Variants in SLIT3 observed in about 807,000 individuals in gnomAD.
The protein encoded by SLIT3 is slit homolog 3 protein.
A neutral mutation model predicts 184.0 loss-of-function variants in SLIT3; 68 were observed. That is an observed-to-expected ratio of 0.37 (90% confidence interval 0.30 to 0.45). SLIT3 has a LOEUF of 0.45. Among genes scored for constraint, SLIT3 ranks in the 20% least tolerant of loss-of-function variants. The probability of loss-of-function intolerance (pLI) is 1.00; values close to 1 mark genes in which losing one functional copy is unlikely to be tolerated. For missense variants in SLIT3, 1,707 were observed against 2,026.0 expected (o/e 0.84, Z 3.02); for synonymous variants, 831 against 828.6 (o/e 1.00, Z -0.05).
chr5:169,041,964 T>C (rs1408649212), intron 4 of SLIT3, among the ~76,000 whole-genome samples: 3 of 152,162 alleles, frequency 2.0e-5, no homozygotes, highest in Admixed American at 6.5e-5. Context: ...ATTGATCTCT[T>C]CCCTCATTTA....
At chr5:168,761,177 G>A (rs929698677) in intron 15 of SLIT3, among the ~76,000 whole-genome samples, 1 of 152,178 alleles carries the variant, frequency 6.6e-6, no homozygotes, top group Non-Finnish European at 1.5e-5. Flanking sequence ...GGGACTTTCT[G>A]AGTATTCCGC....
At chr5:168,693,641 C>T (rs1331770643) in intron 28 of SLIT3, among the ~76,000 whole-genome samples, 3 of 152,060 alleles carry the variant, frequency 2.0e-5, no homozygotes, top group East Asian at 3.9e-4. Context: ...TAACCATGAA[C>T]GTTCTCTCCA....
intron 12 of SLIT3, among the ~76,000 whole-genome samples, chr5:168,784,925 C>T (rs1003874605): frequency 6.6e-6 from 1 of 151,340 alleles, no homozygotes; most frequent in African/African-American, 2.4e-5. Context: ...AAACATACAT[C>T]ATGTGCTATT....
chr5:169,022,489 CTG>C (rs1207467227), intron 4 of SLIT3, among the ~76,000 whole-genome samples: 1 of 152,176 alleles, frequency 6.6e-6, no homozygotes, highest in Non-Finnish European at 1.5e-5. Flanking sequence ...CAGTGAGAAA[CTG>C]TTACAAACAA....
intron 4 of SLIT3, among the ~76,000 whole-genome samples, chr5:169,163,791 G>A (rs577249321): frequency 2.0e-5 from 3 of 152,090 alleles, no homozygotes; most frequent in South Asian, 2.1e-4. Flanking sequence ...ACTGGACAAC[G>A]GAAGGAAGGG....
At chr5:168,873,514 C>G (rs1759616318) in intron 5 of SLIT3, among the ~76,000 whole-genome samples, 2 of 151,850 alleles carry the variant, frequency 1.3e-5, no homozygotes, top group African/African-American at 4.8e-5. Flanking sequence ...ACCTGTAATC[C>G]TAGCTACTTG....
intron 1 of SLIT3, among the ~76,000 whole-genome samples, chr5:169,287,063 A>G (rs983096167): frequency 1.3e-5 from 2 of 152,214 alleles, no homozygotes; most frequent in African/African-American, 4.8e-5. Flanking sequence ...AAGTACTAAA[A>G]TGTATGCCTA....
chr5:169,012,554 AT>A (rs1323116168), intron 4 of SLIT3: 2 of 152,240 alleles, frequency 1.3e-5, no homozygotes, highest in African/African-American at 2.4e-5. Context: ...ATTTACTAGA[AT>A]CAAATAAAGA....
chr5:169,295,645 G>C (rs946343681), intron 1 of SLIT3, among the ~76,000 whole-genome samples: 1 of 152,176 alleles, frequency 6.6e-6, no homozygotes. Flanking sequence ...CTTAGGGGTC[G>C]GGAACCTTCT....
chr5:169,263,887 A>G (rs1218344902), intron 1 of SLIT3, among the ~76,000 whole-genome samples: 1 of 149,864 alleles, frequency 6.7e-6, no homozygotes, highest in Admixed American at 6.6e-5. Context: ...ATACTCCCCA[A>G]CTTCCTCCAG....
intron 5 of SLIT3, among the ~76,000 whole-genome samples, chr5:168,865,104 C>T (rs757755436): frequency 7.7e-5 from 10 of 129,392 alleles, no homozygotes; most frequent in Non-Finnish European, 1.4e-4. Flanking sequence ...GGAGGCGAGG[C>T]GGAGGTTGCA....
chr5:168,682,191 G>C (rs1268052120), intron 32 of SLIT3, among the ~76,000 whole-genome samples: 2 of 152,168 alleles, frequency 1.3e-5, no homozygotes, highest in Non-Finnish European at 2.9e-5. Context: ...TAACCTGCCT[G>C]GTCTTTATCC....
chr5:168,901,636 C>T (rs74461492), intron 4 of SLIT3, among the ~76,000 whole-genome samples: 193 of 152,278 alleles, frequency 1.3e-3, no homozygotes, highest in Middle Eastern at 3.4e-3. Flanking sequence ...TCTTGGTTTA[C>T]AGATGAGAAA....
intron 14 of SLIT3, among the ~76,000 whole-genome samples, chr5:168,764,417 T>C (rs1581055358): frequency 6.6e-6 from 1 of 152,224 alleles, no homozygotes; most frequent in African/African-American, 2.4e-5. Flanking sequence ...TGCTGTCTGG[T>C]TCCATGTGGT....
At chr5:168,682,104 G>C (rs1288206005) in intron 32 of SLIT3, among the ~76,000 whole-genome samples, 1 of 152,244 alleles carries the variant, frequency 6.6e-6, no homozygotes, top group Non-Finnish European at 1.5e-5. Context: ...CAGGGACACA[G>C]ATGTTAGGCG....
In SLIT3 at chr5:169,244,697, G is replaced by A. The variant is rs1287670667; in HGVS notation, c.341+8C>T. On this transcript the variant is annotated splice_region_variant and intron_variant, in intron 3 of 35. Transcript: ENST00000519560. The stretch of plus-strand genomic sequence containing the variant: ...ATACTTTAAGAAAGGAGGCTGTACT[G>A]TACTTACAGTCGCTCTAGCTGCTTC... 2.5e-6 allele frequency: 4 copies of A among 1,610,368 alleles called. No homozygotes were observed. Among genetic ancestry groups the A allele is most frequent in the Non-Finnish European group, 3.4e-6 (4 of 1,176,834 alleles).
At chr5:168,940,417 C>T (rs1490096488) in intron 4 of SLIT3, among the ~76,000 whole-genome samples, 1 of 152,004 alleles carries the variant, frequency 6.6e-6, no homozygotes, top group Non-Finnish European at 1.5e-5. Flanking sequence ...AACATACTTC[C>T]TATTATTTCT....
intron 23 of SLIT3, among the ~76,000 whole-genome samples, chr5:168,715,561 G>A (rs1339772251): frequency 2.0e-5 from 3 of 152,368 alleles, no homozygotes; most frequent in Non-Finnish European, 2.9e-5. Flanking sequence ...TAAGCTGCTA[G>A]AATGTAAACT....
chr5:169,189,102 G>A (rs560817352), intron 4 of SLIT3, among the ~76,000 whole-genome samples: 10 of 152,110 alleles, frequency 6.6e-5, no homozygotes, highest in African/African-American at 9.7e-5. Context: ...CCAAGATCTG[G>A]GATTCTATAG....
Sources: allele counts gnomAD v4.1 joint callset (sites outside exome capture counted in the v4.1 genomes callset), GRCh38; gene constraint gnomAD v4.1.1; transcripts MANE v1.5; gene names NCBI Gene and HGNC (gene_info 2026-07-23, HGNC 2026-07-21).